Variants in TP53BP1 observed in about 807,000 individuals in gnomAD.
TP53BP1 encodes tumor protein p53 binding protein 1, also known as TP53-binding protein 1.
Under a neutral mutation model 200.8 loss-of-function variants are expected in TP53BP1, and 61 were observed. The observed-to-expected ratio is 0.30, with a 90% CI of 0.25 to 0.38. The LOEUF (loss-of-function observed/expected upper bound fraction) is 0.38, where lower values mean the gene tolerates loss of function less well. TP53BP1 is among the 10% of genes least tolerant of loss of function. The pLI, the probability that TP53BP1 is intolerant of heterozygous loss-of-function variation, is 1.00. For missense variants in TP53BP1, 2,144 were observed against 2,371.9 expected, an observed-to-expected ratio of 0.90 and a Z score of 2.00; for synonymous variants, 822 against 844.3, an observed-to-expected ratio of 0.97 and a Z score of 0.46.
chr15:43,425,085 C>G (rs954975996), intron 18 of TP53BP1, among the ~76,000 whole-genome samples: 4 of 152,090 alleles, frequency 2.6e-5, no homozygotes, highest in Admixed American at 1.3e-4. Flanking sequence ...CTTCAGAGTC[C>G]CCTCCAGCAA....
chr15:43,479,371 A>C, intron 7 of TP53BP1, 26 bp downstream of exon 7: 1 of 1,577,114 alleles, frequency 6.3e-7, no homozygotes, highest in Non-Finnish European at 8.6e-7. Context: ...AAAACTCGTA[A>C]ATCCTTTTTA....
At chr15:43,452,032 G>A (rs761030254) in intron 12 of TP53BP1, among the ~76,000 whole-genome samples, 2 of 152,122 alleles carry the variant, frequency 1.3e-5, no homozygotes, top group African/African-American at 4.8e-5. Context: ...CTACTCAGGA[G>A]GCTGAGGCAC....
upstream of TP53BP1, chr15:43,497,669 G>C (rs934983370): frequency 6.4e-6 from 1 of 156,834 alleles, no homozygotes; most frequent in Admixed American, 6.5e-5. Flanking sequence ...GAGGTACCTA[G>C]AGTAGGCAAA....
chr15:43,451,113 A>C (rs189272508), intron 12 of TP53BP1, among the ~76,000 whole-genome samples: 1 of 152,290 alleles, frequency 6.6e-6, no homozygotes, highest in East Asian at 1.9e-4. Context: ...TAGATGAACA[A>C]ATGCAAAACT....
chr15:43,442,082 A>ATTTT (rs1158826286), intron 14 of TP53BP1, among the ~76,000 whole-genome samples: 5 of 123,522 alleles, frequency 4.0e-5, no homozygotes, highest in Admixed American at 1.6e-4. Flanking sequence ...ATTTGTTTTA[A>ATTTT]TTTTTTTTTT....
intron 18 of TP53BP1, 30 bp downstream of exon 18, chr15:43,427,986 T>C: frequency 7.0e-7 from 1 of 1,426,276 alleles, no homozygotes; most frequent in Non-Finnish European, 9.4e-7. Flanking sequence ...AAGAAAGAAA[T>C]TTGCCACACA....
At chr15:43,408,797 C>A in intron 26 of TP53BP1, 100 bp downstream of exon 26, 2 of 1,211,496 alleles carry the variant, frequency 1.7e-6, no homozygotes, top group South Asian at 2.7e-5. Context: ...CACAGACATT[C>A]CAATTTCTAG....
intron 13 of TP53BP1, chr15:43,446,944 G>C (rs1010492835): frequency 3.4e-6 from 2 of 588,142 alleles, no homozygotes; most frequent in African/African-American, 3.8e-5. Context: ...TAATGTAGAA[G>C]ACTACTGGCT....
chr15:43,404,910 A>G lies in TP53BP1; in HGVS notation c.*2473T>C, dbSNP rs1388509031. On this transcript the variant is annotated 3_prime_UTR_variant, in exon 28 of 28. Transcript: ENST00000382044. Reference sequence around the variant, plus strand: ...CCCTAGCTTCCGCATCTGTGAAAGGAGGCGACCACCCCTTCTAACTCTAAA... The same window carrying G: ...CCCTAGCTTCCGCATCTGTGAAAGGGGGCGACCACCCCTTCTAACTCTAAA... 4.0e-6 allele frequency: 2 copies of G among 502,582 alleles called. No homozygotes were observed. The highest frequency in any genetic ancestry group is 7.0e-6 in the Non-Finnish European group (2 of 284,472). 31.1% of individuals were successfully genotyped at this position (502,582 alleles called of 1,614,324 possible). A position where few individuals can be genotyped will look rare whatever the true frequency, so the allele number is the denominator to read the frequency against.
chr15:43,457,258 T>A, intron 11 of TP53BP1, 40 bp from the exon 12 acceptor site: 1 of 1,496,734 alleles, frequency 6.7e-7, no homozygotes, highest in Non-Finnish European at 8.9e-7. Flanking sequence ...AATTTGTACA[T>A]GATCATATAT....
At chr15:43,504,116 T>C (rs1403455861) in intron 1 of TP53BP1, among the ~76,000 whole-genome samples, 1 of 150,320 alleles carries the variant, frequency 6.7e-6, no homozygotes, top group African/African-American at 2.4e-5. Flanking sequence ...AAGACCCCCC[T>C]CCTCATCTCT....
Position 43,485,307 on chromosome 15 carries a change from G to T in TP53BP1, c.372-4285C>A, listed in dbSNP as rs546094278. 5.3e-5 allele frequency among the ~76,000 whole-genome samples: 8 copies of T among 152,264 alleles called. No individual in the cohort carries two copies. The South Asian group carries it at 6.2e-4, about 12-fold the overall frequency. On this transcript the variant is annotated intron_variant, in intron 4 of 27. Coordinates refer to ENST00000382044, the MANE Select transcript of TP53BP1 (RefSeq NM_001141980.3). ...ATAGAAGGTACTTTGGCCGGGCACG[G>T]TGGCGCATGCCTGTAATCCCAGCAC...
chr15:43,472,326 T>C (rs966603706), intron 10 of TP53BP1, among the ~76,000 whole-genome samples: 1 of 152,252 alleles, frequency 6.6e-6, no homozygotes, highest in African/African-American at 2.4e-5. Flanking sequence ...ATAAAACTAT[T>C]ATACCATTAC....
At chr15:43,446,863 G>C (rs1260933787) in intron 13 of TP53BP1, 2 of 1,281,922 alleles carry the variant, frequency 1.6e-6, no homozygotes, top group Non-Finnish European at 2.1e-6. Context: ...CCAGCATCAG[G>C]CATAGGTAGC....
chr15:43,491,229 C>T (rs935149782), intron 4 of TP53BP1, among the ~76,000 whole-genome samples: 2 of 151,928 alleles, frequency 1.3e-5, no homozygotes, highest in African/African-American at 4.8e-5. Context: ...TACAGGCACG[C>T]ACCACCAGGC....
chr15:43,494,918 G>A (rs1191395854), upstream of TP53BP1, among the ~76,000 whole-genome samples: 1 of 152,240 alleles, frequency 6.6e-6, no homozygotes, highest in Non-Finnish European at 1.5e-5. Flanking sequence ...GCTGGGCGCA[G>A]TGGCTTACAC....
chr15:43,498,019 G>T (rs1490428577), upstream of TP53BP1, among the ~76,000 whole-genome samples: 1 of 152,132 alleles, frequency 6.6e-6, no homozygotes, highest in Non-Finnish European at 1.5e-5. Context: ...AATTGTATAG[G>T]TAACAGTGGG....
chr15:43,507,909 T>C (rs1198752385), intron 1 of TP53BP1, among the ~76,000 whole-genome samples: 2 of 152,068 alleles, frequency 1.3e-5, no homozygotes, highest in Admixed American at 1.3e-4. Context: ...AAGATGGGGT[T>C]CCATTATGTA....
intron 1 of TP53BP1, among the ~76,000 whole-genome samples, chr15:43,506,813 T>A (rs1456140460): frequency 2.0e-5 from 3 of 152,164 alleles, no homozygotes; most frequent in Admixed American, 1.3e-4. Context: ...GAGAATAGTG[T>A]CTGGAGACAG....
Sources: allele counts gnomAD v4.1 joint callset (sites outside exome capture counted in the v4.1 genomes callset), GRCh38; gene constraint gnomAD v4.1.1; transcripts MANE v1.5; gene names NCBI Gene and HGNC (gene_info 2026-07-23, HGNC 2026-07-21).